The following VWC2 variants were observed in gnomAD, a reference collection of about 807,000 sequenced individuals.
The protein encoded by VWC2 is von Willebrand factor C domain containing 2, also known as brorin.
Under a neutral mutation model 29.8 loss-of-function variants are expected in VWC2, and 14 were observed. The observed-to-expected ratio is 0.47, with a 90% CI of 0.31 to 0.74. The LOEUF (loss-of-function observed/expected upper bound fraction) is 0.74, where lower values mean the gene tolerates loss of function less well. Ranked by LOEUF, VWC2 falls within the 30% of genes least tolerant of loss-of-function variation. The pLI, the probability that VWC2 is intolerant of heterozygous loss-of-function variation, is 0.05. For synonymous variants in VWC2, 213 were observed against 199.0 expected (o/e 1.07, Z -0.59); for missense variants, 457 against 459.8 (o/e 0.99, Z 0.05).
At chr7:49,796,732 A>T (rs1788599721) in intron 2 of VWC2, among the ~76,000 whole-genome samples, 1 of 152,226 alleles carries the variant, frequency 6.6e-6, no homozygotes, top group Non-Finnish European at 1.5e-5. Context: ...CATGGTTATG[A>T]AGATTATAAT....
At chr7:49,790,125 T>C (rs538547951) in intron 2 of VWC2, among the ~76,000 whole-genome samples, 1 of 152,368 alleles carries the variant, frequency 6.6e-6, no homozygotes, top group East Asian at 1.9e-4. Flanking sequence ...GTGTAAACCC[T>C]GCCACTAGTT....
chr7:49,868,992 C>T (rs568498251), intron 3 of VWC2, among the ~76,000 whole-genome samples: 2 of 152,224 alleles, frequency 1.3e-5, no homozygotes, highest in Non-Finnish European at 1.5e-5. Flanking sequence ...TTCCAGAGTA[C>T]GGTTTCTGAA....
At chr7:49,837,270 TG>T (rs1291182551) in intron 3 of VWC2, among the ~76,000 whole-genome samples, 1 of 152,232 alleles carries the variant, frequency 6.6e-6, no homozygotes, top group Admixed American at 6.5e-5. Context: ...TTTTGGATAT[TG>T]GCTTGAGGAA....
intron 3 of VWC2, among the ~76,000 whole-genome samples, chr7:49,873,697 T>A (rs1791275932): frequency 6.6e-6 from 1 of 152,204 alleles, no homozygotes; most frequent in Admixed American, 6.5e-5. Context: ...GATAAAGAGA[T>A]GCTCTCATGC....
chr7:49,855,789 T>C (rs1407450493), intron 3 of VWC2, among the ~76,000 whole-genome samples: 1 of 152,184 alleles, frequency 6.6e-6, no homozygotes, highest in Non-Finnish European at 1.5e-5. Context: ...CCCTCCCAGC[T>C]GCCCTCACCA....
chr7:49,850,898 G>A (rs1199809879), intron 3 of VWC2, among the ~76,000 whole-genome samples: 2 of 152,222 alleles, frequency 1.3e-5, no homozygotes, highest in African/African-American at 4.8e-5. Context: ...CTGTGGAGAA[G>A]GCTGTGTGAA....
rs1448224781 is a variant in VWC2, at chr7:49,775,720, G to T, written c.285G>T (p.Gln95His). The change falls in exon 2 of 4, where the codon CAG becomes CAT. Residue 95 changes from glutamine (Q) to histidine (H), a missense_variant. Gln to His is a conservative substitution (Grantham distance 24). This residue lies in a region of VWC2 where 272 missense variants were observed against 202.7 expected (regional missense o/e 1.34). Coordinates refer to ENST00000340652, the MANE Select transcript of VWC2 (RefSeq NM_198570.5). Reference sequence around the variant, plus strand: ...GTGAGCCGTGGAGCAAGCTGAAGCAGGCCTGGGTCTCCCAGGGCGGGGGCG... The same window carrying T: ...GTGAGCCGTGGAGCAAGCTGAAGCATGCCTGGGTCTCCCAGGGCGGGGGCG... The part of the protein sequence containing the change: ...AGREPWSKLK[Q>H]AWVSQGGGAK... The T allele has an allele frequency of 2.0e-6, 3 of 1,519,968 alleles. No homozygotes were observed. In the Admixed American group the frequency reaches 6.3e-5, roughly 32 times the overall value. 94.2% of individuals were successfully genotyped at this position (1,519,968 alleles called of 1,614,324 possible).
chr7:49,865,351 A>G (rs1243693553), intron 3 of VWC2, among the ~76,000 whole-genome samples: 1 of 152,238 alleles, frequency 6.6e-6, no homozygotes, highest in Non-Finnish European at 1.5e-5. Context: ...TGAAGTGTGT[A>G]ACCCTCAGTT....
chr7:49,774,544 T>G (rs1788009484), intron 1 of VWC2, among the ~76,000 whole-genome samples: 2 of 152,154 alleles, frequency 1.3e-5, no homozygotes, highest in Admixed American at 1.3e-4. Context: ...GGCCCCAGCC[T>G]CCCGCACTGC....
intron 3 of VWC2, among the ~76,000 whole-genome samples, chr7:49,855,370 T>G (rs1184798184): frequency 6.6e-6 from 1 of 152,108 alleles, no homozygotes; most frequent in Non-Finnish European, 1.5e-5. Context: ...TGCCTGGCAT[T>G]AGGTGGTATA....
At chr7:49,888,415 GATTTC>G (rs1403364889) in intron 3 of VWC2, among the ~76,000 whole-genome samples, 1 of 152,160 alleles carries the variant, frequency 6.6e-6, no homozygotes, top group Non-Finnish European at 1.5e-5. Context: ...CTACAAAACT[GATTTC>G]ACTACATTTT....
In VWC2 at chr7:49,775,611, T is replaced by C; in HGVS notation, c.176T>C (p.Val59Ala). Residue 59 changes from valine (V) to alanine (A), a missense_variant, in exon 2 of 4, where the codon GTG (valine) becomes GCG (alanine). Val to Ala is a moderately conservative substitution (Grantham distance 64, BLOSUM62 0). Around this residue, in one of 2 missense-constraint regions of VWC2, gnomAD observed 272 missense variants for 202.7 expected, o/e 1.34. Transcript: ENST00000340652. ...GCCTCTCGGGACGGCCCGGGGCGGG[T>C]GAACGAGCTCGGGCGCCCGGCGAGG... ...EHASRDGPGR[V>A]NELGRPARDE... 1 of 1,531,000 alleles carries C rather than the reference T, an allele frequency of 6.5e-7. No individual in the cohort carries two copies. The highest frequency in any genetic ancestry group is 8.8e-7 in the Non-Finnish European group (1 of 1,141,758). The allele number at this position is 1,531,000 out of a possible 1,614,324, so 94.8% of individuals were successfully genotyped here.
At chr7:49,900,241 A>G (rs975545909) in intron 3 of VWC2, among the ~76,000 whole-genome samples, 14 of 151,830 alleles carry the variant, frequency 9.2e-5, no homozygotes, top group Admixed American at 9.2e-4. Context: ...TCTAAAACCA[A>G]TAATCTAAGC....
At chr7:49,854,271 A>T (rs914500636) in intron 3 of VWC2, among the ~76,000 whole-genome samples, 7 of 152,086 alleles carry the variant, frequency 4.6e-5, no homozygotes, top group Non-Finnish European at 1.0e-4. Flanking sequence ...CTAGTTTGAG[A>T]TCCTTGAGGA....
chr7:49,887,332 T>A (rs1791945489), intron 3 of VWC2, among the ~76,000 whole-genome samples: 1 of 152,212 alleles, frequency 6.6e-6, no homozygotes, highest in Non-Finnish European at 1.5e-5. Flanking sequence ...GATTTGCAAT[T>A]GATTTGTTTT....
chr7:49,787,310 C>T (rs1478006299), intron 2 of VWC2, among the ~76,000 whole-genome samples: 2 of 152,220 alleles, frequency 1.3e-5, no homozygotes, highest in African/African-American at 4.8e-5. Context: ...GCTTTAAAAA[C>T]AATTCTTATT....
At chr7:49,799,017 G>T (rs910838998) in intron 2 of VWC2, among the ~76,000 whole-genome samples, 56 of 152,318 alleles carry the variant, frequency 3.7e-4, no homozygotes, top group African/African-American at 1.3e-3. Context: ...AGGGGGCATA[G>T]GCCACTGCTT....
chr7:49,895,189 C>T (rs546312254), intron 3 of VWC2, among the ~76,000 whole-genome samples: 3 of 152,218 alleles, frequency 2.0e-5, no homozygotes, highest in Admixed American at 6.5e-5. Flanking sequence ...GCCATGGTAG[C>T]GTCCTCACAC....
chr7:49,890,895 C>T (rs1792098875), intron 3 of VWC2, among the ~76,000 whole-genome samples: 1 of 151,428 alleles, frequency 6.6e-6, no homozygotes, highest in African/African-American at 2.4e-5. Context: ...ATAGGAAACT[C>T]ACAAGCCAGG....
Sources: gnomAD v4.1 joint callset for allele counts (sites outside exome capture counted in the v4.1 genomes callset) on GRCh38, gnomAD v4.1.1 for gene constraint, gnomAD v4.1.1 regional missense constraint, MANE v1.5 for transcripts, NCBI Gene and HGNC (gene_info 2026-07-23, HGNC 2026-07-21) for gene names.